Variants in RBMS3 observed in about 807,000 individuals in gnomAD.
RBMS3 encodes RNA-binding motif, single-stranded-interacting protein 3.
In RBMS3, 27 loss-of-function variants were observed where a neutral mutation model predicts 66.8. The ratio of observed to expected loss-of-function variants is 0.40; its 90% CI spans 0.30 to 0.56. The LOEUF is 0.56. RBMS3 is among the 20% of genes least tolerant of loss of function. The pLI is 0.40. For synonymous variants in RBMS3, 188 were observed against 183.0 expected, an observed-to-expected ratio of 1.03 and a Z score of -0.22; for missense variants, 513 against 549.5, an observed-to-expected ratio of 0.93 and a Z score of 0.66.
intron 1 of RBMS3, among the ~76,000 whole-genome samples, chr3:29,361,096 T>A (rs1157278896): frequency 1.3e-5 from 2 of 152,064 alleles, no homozygotes; most frequent in African/African-American, 2.4e-5. Flanking sequence ...CATTATGATG[T>A]TAGCTGGTTA....
chr3:29,536,886 G>GTGTT (rs773718861), intron 3 of RBMS3, among the ~76,000 whole-genome samples: 4 of 152,198 alleles, frequency 2.6e-5, no homozygotes, highest in Admixed American at 6.5e-5. Flanking sequence ...GGACCTAAAT[G>GTGTT]TGTTGGTCAG....
chr3:29,787,422 G>A (rs565976363), intron 6 of RBMS3, among the ~76,000 whole-genome samples: 3 of 152,192 alleles, frequency 2.0e-5, no homozygotes, highest in Non-Finnish European at 2.9e-5. Context: ...GCAAAAATAT[G>A]GAACCAGCCC....
At chr3:29,447,204 C>T (rs1247200882) in intron 2 of RBMS3, among the ~76,000 whole-genome samples, 2 of 152,042 alleles carry the variant, frequency 1.3e-5, no homozygotes, top group Non-Finnish European at 2.9e-5. Context: ...TGAGCCGCTG[C>T]ACCCAGCCAG....
chr3:29,624,016 T>A (rs1247039382), intron 4 of RBMS3, among the ~76,000 whole-genome samples: 1 of 152,234 alleles, frequency 6.6e-6, no homozygotes, highest in African/African-American at 2.4e-5. Flanking sequence ...TATATGCCTA[T>A]AATAATGTTT....
At chr3:29,797,607 C>T (rs962276863) in intron 6 of RBMS3, 4 of 152,126 alleles carry the variant, frequency 2.6e-5, no homozygotes, top group East Asian at 1.9e-4. Context: ...CAGACTATCC[C>T]GACTTTTGAC....
rs572734152 is a variant in RBMS3 at position 29,622,753 on chromosome 3, G to T, written c.399+35548G>T. ...CTGCCCCAGTTCACATTCCAACTCT[G>T]CCACTGTGGAAGCTTAGGGGAGTAA... On this transcript the variant is annotated intron_variant, in intron 4 of 14. Transcript: ENST00000383767. 3.0e-4 allele frequency among the ~76,000 whole-genome samples: 46 copies of T among 152,322 alleles called. 1 individual carries two copies. Among genetic ancestry groups the T allele is most frequent in the Middle Eastern group, 6.8e-3 (2 of 294 alleles).
chr3:29,996,922 C>G (rs1362365578), intron 14 of RBMS3, among the ~76,000 whole-genome samples: 1 of 151,888 alleles, frequency 6.6e-6, no homozygotes. Flanking sequence ...AAAATCAGAG[C>G]AGAACTGAGG....
chr3:29,973,457 C>T (rs553375980), intron 12 of RBMS3, among the ~76,000 whole-genome samples: 1 of 151,848 alleles, frequency 6.6e-6, no homozygotes, highest in Admixed American at 6.6e-5. Flanking sequence ...TCCAGGATAC[C>T]CAATGTATTA....
chr3:29,553,250 A>T (rs1486569052), intron 3 of RBMS3, among the ~76,000 whole-genome samples: 1 of 152,176 alleles, frequency 6.6e-6, no homozygotes, highest in Non-Finnish European at 1.5e-5. Context: ...TACTGTTTTA[A>T]GGTCAAGTTT....
intron 1 of RBMS3, among the ~76,000 whole-genome samples, chr3:29,433,519 A>C (rs2041286605): frequency 6.6e-6 from 1 of 152,174 alleles, no homozygotes; most frequent in Admixed American, 6.5e-5. Flanking sequence ...ATTTCTAGGA[A>C]CCATTTTGTT....
intron 3 of RBMS3, among the ~76,000 whole-genome samples, chr3:29,583,170 G>A (rs2149087264): frequency 1.3e-5 from 2 of 152,226 alleles, no homozygotes; most frequent in Admixed American, 1.3e-4. Context: ...CTCTCAGGGT[G>A]TCTCCTACCC....
At chr3:29,504,716 T>G (rs2044115533) in intron 3 of RBMS3, among the ~76,000 whole-genome samples, 1 of 151,938 alleles carries the variant, frequency 6.6e-6, no homozygotes, top group African/African-American at 2.4e-5. Flanking sequence ...ACCAAGAATG[T>G]GCAAGGATTC....
At chr3:29,623,590 TCAA>T in intron 4 of RBMS3, among the ~76,000 whole-genome samples, 1 of 110,140 alleles carries the variant, frequency 9.1e-6, no homozygotes, top group African/African-American at 3.9e-5. Flanking sequence ...CAAGACTGTC[TCAA>T]AAAAAAAAAA....
chr3:29,523,402 A>G (rs563077030), intron 3 of RBMS3, among the ~76,000 whole-genome samples: 26 of 152,092 alleles, frequency 1.7e-4, no homozygotes, highest in Middle Eastern at 3.4e-3. Context: ...TTTGTTTTTA[A>G]TGTTTCAAAA....
intron 3 of RBMS3, among the ~76,000 whole-genome samples, chr3:29,553,554 G>A (rs1353834014): frequency 6.6e-6 from 1 of 152,012 alleles, no homozygotes; most frequent in East Asian, 1.9e-4. Flanking sequence ...TGGCTCTTTT[G>A]GGCTGAGGGT....
At chr3:29,730,500 A>G (rs375649179) in intron 4 of RBMS3, among the ~76,000 whole-genome samples, 37 of 152,282 alleles carry the variant, frequency 2.4e-4, no homozygotes, top group African/African-American at 8.7e-4. Flanking sequence ...TCTGTTCTAT[A>G]TTTGTATGTG....
intron 1 of RBMS3, among the ~76,000 whole-genome samples, chr3:29,408,816 C>T (rs6772026): frequency 0.75 from 114,657 of 152,056 alleles, 43,323 homozygotes; most frequent in Admixed American, 0.81. Flanking sequence ...CTGTGATGAG[C>T]CTGAGCTAGA....
At chr3:29,677,519 G>A (rs2149255554) in intron 4 of RBMS3, among the ~76,000 whole-genome samples, 1 of 151,878 alleles carries the variant, frequency 6.6e-6, no homozygotes, top group Non-Finnish European at 1.5e-5. Context: ...ATTTTTGTTT[G>A]GTGTTATTTT....
At position 29,518,233 on chromosome 3, in the gene RBMS3, T is replaced by C. The variant is rs188831554; in HGVS notation, c.307+29734T>C. On this transcript the variant is annotated intron_variant, in intron 3 of 14. Coordinates refer to ENST00000383767, the MANE Select transcript of RBMS3 (RefSeq NM_001003793.3). ...GAACTGCAACTGTTTGTGGTTAAAT[T>C]TGGAGAAATACTAAACCAATATCCA... Among the ~76,000 whole-genome samples, 191 of 152,266 alleles carry C rather than the reference T, an allele frequency of 1.3e-3. 1 individual carries two copies. The highest frequency in any genetic ancestry group is 3.0e-3 in the Admixed American group (46 of 15,286).
Sources: allele counts gnomAD v4.1 joint callset (sites outside exome capture counted in the v4.1 genomes callset), GRCh38; gene constraint gnomAD v4.1.1; transcripts MANE v1.5; gene names NCBI Gene and HGNC (gene_info 2026-07-23, HGNC 2026-07-21).